The following OR4N2 variants were observed in gnomAD, a reference collection of about 807,000 sequenced individuals.
OR4N2 encodes the protein olfactory receptor 4N2.
For missense variants in OR4N2, 307 were observed against 377.6 expected (o/e 0.81, Z 1.55); for synonymous variants, 141 against 140.4 (o/e 1.00, Z -0.03).
At chr14:19,818,018 G>C (rs1879470936) in intron 1 of OR4N2, among the ~76,000 whole-genome samples, 1 of 152,256 alleles carries the variant, frequency 6.6e-6, no homozygotes, top group African/African-American at 2.4e-5. Context: ...TCTTAATCCT[G>C]AGTTCTAATT....
chr14:19,828,482 C>T lies in OR4N2; in HGVS notation c.*110C>T. On this transcript the variant is annotated 3_prime_UTR_variant, in exon 2 of 2. Coordinates refer to ENST00000557677, the MANE Select transcript of OR4N2 (RefSeq NM_001004723.3). ...ACTGAGTACCTCCCATTTGTCAGGA[C>T]TATTCTGGGAACTGAAAAAAGAAAT... The T allele has an allele frequency of 1.8e-6, 2 of 1,132,228 alleles. No individual in the cohort carries two copies. Among genetic ancestry groups the T allele is most frequent in the Non-Finnish European group, 2.5e-6 (2 of 811,236 alleles). The allele number at this position is 1,132,228 out of a possible 1,614,324, so 70.1% of individuals were successfully genotyped here.
At position 19,807,204 on chromosome 14, in the gene OR4N2, T is replaced by C. The variant is rs1403553736; in HGVS notation, c.-10+3360T>C. ...ACTAGAAAAAAAAAAAGCTCAAAGC[T>C]AGCAGAATAACAGATATAACTACAA... On this transcript the variant is annotated intron_variant, in intron 1 of 1. Coordinates refer to ENST00000557677, the MANE Select transcript of OR4N2 (RefSeq NM_001004723.3). Among the ~76,000 whole-genome samples the C allele has an allele frequency of 5.3e-5, 8 of 150,710 alleles. No homozygotes were observed. In the East Asian group the frequency reaches 1.2e-3, roughly 22 times the overall value.
chr14:19,810,251 G>A (rs1434046170), intron 1 of OR4N2, among the ~76,000 whole-genome samples: 11 of 152,300 alleles, frequency 7.2e-5, no homozygotes, highest in South Asian at 6.2e-4. Context: ...GTTCGACATC[G>A]CTAATCATTA....
intron 1 of OR4N2, among the ~76,000 whole-genome samples, chr14:19,823,550 T>C (rs1879619026): frequency 6.6e-6 from 1 of 152,228 alleles, no homozygotes; most frequent in African/African-American, 2.4e-5. Flanking sequence ...CTGGTTTTTG[T>C]TTTGTTTTGT....
intron 1 of OR4N2, among the ~76,000 whole-genome samples, chr14:19,811,899 A>G (rs1192277046): frequency 1.3e-5 from 2 of 152,270 alleles, no homozygotes; most frequent in African/African-American, 4.8e-5. Flanking sequence ...GAATGCAAGT[A>G]TACATGCTCT....
chr14:19,826,896 A>G (rs1220224192), intron 1 of OR4N2, among the ~76,000 whole-genome samples: 1 of 152,258 alleles, frequency 6.6e-6, no homozygotes, highest in Non-Finnish European at 1.5e-5. Flanking sequence ...CAAAAGGAGT[A>G]TAATAAGAAG....
At chr14:19,809,814 T>C (rs1306826007) in intron 1 of OR4N2, among the ~76,000 whole-genome samples, 2 of 152,188 alleles carry the variant, frequency 1.3e-5, no homozygotes, top group Non-Finnish European at 2.9e-5. Context: ...AAGACTGAAA[T>C]GTAACCCCTT....
At chr14:19,809,498 C>G (rs946587461) in intron 1 of OR4N2, among the ~76,000 whole-genome samples, 2 of 152,070 alleles carry the variant, frequency 1.3e-5, no homozygotes, top group African/African-American at 4.8e-5. Context: ...TTAAACAAAG[C>G]AACAAACAAA....
chr14:19,826,354 G>T (rs1433948718), intron 1 of OR4N2, among the ~76,000 whole-genome samples: 3 of 152,158 alleles, frequency 2.0e-5, no homozygotes, highest in Non-Finnish European at 4.4e-5. Context: ...TTATCCAAAT[G>T]CACAAAAAGA....
intron 1 of OR4N2, among the ~76,000 whole-genome samples, chr14:19,813,073 A>G (rs902568971): frequency 1.3e-5 from 2 of 152,240 alleles, no homozygotes; most frequent in African/African-American, 2.4e-5. Context: ...TCTTCAGATT[A>G]CTTTTATCTT....
intron 1 of OR4N2, among the ~76,000 whole-genome samples, chr14:19,825,709 C>T (rs1186903383): frequency 6.6e-6 from 1 of 152,130 alleles, no homozygotes; most frequent in South Asian, 2.1e-4. Flanking sequence ...GCAACCACCA[C>T]CACGTCCAGC....
At chr14:19,806,839 A>C (rs1879176747) in intron 1 of OR4N2, among the ~76,000 whole-genome samples, 1 of 152,176 alleles carries the variant, frequency 6.6e-6, no homozygotes, top group African/African-American at 2.4e-5. Context: ...ATTCAAAAAC[A>C]CTGAAATCAT....
At chr14:19,804,900 G>A (rs1469296202) in intron 1 of OR4N2, among the ~76,000 whole-genome samples, 1 of 152,132 alleles carries the variant, frequency 6.6e-6, no homozygotes, top group Non-Finnish European at 1.5e-5. Flanking sequence ...TATATTCTTA[G>A]GATTGTTAGT....
rs1283107859 is a variant in OR4N2, at chr14:19,830,229, C to G, written c.*1857C>G. The G allele has an allele frequency of 2.0e-5, 3 of 152,330 alleles. No homozygotes were observed. The highest frequency in any genetic ancestry group is 6.5e-5 in the Admixed American group (1 of 15,284). The allele number at this position is 152,330 out of a possible 1,614,324, so 9.4% of individuals were successfully genotyped here. A position where few individuals can be genotyped will look rare whatever the true frequency, so the allele number is the denominator to read the frequency against. ...AATAAAACCTTCTTGCCACCTTTTC[C>G]CCTGTCCATGTCACTTCATGAGTCT... On this transcript the variant is annotated 3_prime_UTR_variant, in exon 2 of 2. Coordinates refer to ENST00000557677, the MANE Select transcript of OR4N2 (RefSeq NM_001004723.3).
chr14:19,810,238 A>G (rs1449738126), intron 1 of OR4N2, among the ~76,000 whole-genome samples: 2 of 152,406 alleles, frequency 1.3e-5, no homozygotes, highest in East Asian at 3.8e-4. Flanking sequence ...CATATGAAAA[A>G]ATGTTCGACA....
Position 19,829,119 on chromosome 14 carries a change from T to C in OR4N2, c.*747T>C, listed in dbSNP as rs1879803101. 6.6e-6 allele frequency: 1 copy of C among 152,262 alleles called. No homozygotes were observed. Among genetic ancestry groups the C allele is most frequent in the African/African-American group, 2.4e-5 (1 of 41,466 alleles). 9.4% of individuals were successfully genotyped at this position (152,262 alleles called of 1,614,324 possible). On this transcript the variant is annotated 3_prime_UTR_variant, in exon 2 of 2. Transcript: ENST00000557677. ...AAGAGGAAAATATTATATTTGTAAG[T>C]GCACTTTGAAAGATATTAAACTACC...
rs201353258 is a variant in OR4N2, at chr14:19,828,102, T to C, written c.654T>C (p.Tyr218=). Residue 218 remains tyrosine (Y), a synonymous_variant, in exon 2 of 2, where the codon TAT becomes TAC. Transcript: ENST00000557677. The part of the protein sequence containing the change: ...LLCFLGLLAS[Y]AVILCRIRGS... ...GCTTTCTGGGGCTTCTGGCCTCCTATGCAGTCATTCTTTGTCGCATACGAG... is the reference window on the plus strand; with the variant it reads ...GCTTTCTGGGGCTTCTGGCCTCCTACGCAGTCATTCTTTGTCGCATACGAG... 3.6e-4 allele frequency: 579 copies of C among 1,614,102 alleles called. No individual in the cohort carries two copies. The highest frequency in any genetic ancestry group is 4.7e-4 in the Non-Finnish European group (560 of 1,180,008).
In OR4N2 at chr14:19,827,801, TG is replaced by T. The variant is rs1566469752; in HGVS notation, c.355del (p.Ala119ProfsTer18). 3 of 1,614,070 alleles carry T rather than the reference TG, an allele frequency of 1.9e-6. No homozygotes were observed. The African/African-American group carries it at 4.0e-5, about 22-fold the overall frequency. ...GGGEGLLLVVMAFDRYIAICR... is the reference protein window; with the variant it reads ...GGGEGLLLVVXAFDRYIAICR... ...GGGGAGGGATTACTCCTTGTTGTGA[TG>T]GCCTTTGACCGCTACATCGCCATCT... On this transcript the variant is annotated frameshift_variant, in exon 2 of 2. Coordinates refer to ENST00000557677, the MANE Select transcript of OR4N2 (RefSeq NM_001004723.3). LOFTEE classifies it low-confidence loss of function (END_TRUNC).
intron 1 of OR4N2, chr14:19,821,894 C>G (rs1879577288): frequency 6.6e-6 from 1 of 152,264 alleles, no homozygotes; most frequent in African/African-American, 2.4e-5. Context: ...TGGCAATGAA[C>G]ATTTATGAAC....
Sources: allele counts gnomAD v4.1 joint callset (sites outside exome capture counted in the v4.1 genomes callset), GRCh38; gene constraint gnomAD v4.1.1; transcripts MANE v1.5; gene names NCBI Gene and HGNC (gene_info 2026-07-23, HGNC 2026-07-21).